Variants in MS4A15 observed in about 807,000 individuals in gnomAD.
MS4A15 encodes the protein membrane-spanning 4-domains subfamily A member 15.
In MS4A15, 22 loss-of-function variants were observed where a neutral mutation model predicts 20.6. The observed-to-expected ratio is 1.07, with a 90% CI of 0.76 to 1.52. The LOEUF (loss-of-function observed/expected upper bound fraction) is 1.52, where lower values mean the gene tolerates loss of function less well. MS4A15 is among the 40% of genes most tolerant of loss of function. MS4A15 has a pLI of 0.00. For missense variants in MS4A15, 312 were observed against 323.0 expected, an observed-to-expected ratio of 0.97 and a Z score of 0.26; for synonymous variants, 129 against 129.3, an observed-to-expected ratio of 1.00 and a Z score of 0.02.
At chr11:60,762,243 C>T (rs1853762667) in intron 1 of MS4A15, among the ~76,000 whole-genome samples, 1 of 152,234 alleles carries the variant, frequency 6.6e-6, no homozygotes, top group Non-Finnish European at 1.5e-5. Flanking sequence ...TACTCTGTCT[C>T]ACCTGGAGGC....
chr11:60,773,822 G>A lies in MS4A15; in HGVS notation c.499-15G>A, dbSNP rs530726299. 22 of 1,609,680 alleles carry A rather than the reference G, an allele frequency of 1.4e-5. No individual in the cohort carries two copies. The African/African-American group carries it at 2.7e-4, about 20-fold the overall frequency. ...AGAACTCTGGGCTCACCTTTCTGTG[G>A]GTTTTGGTCCCCAGGATGTGGACAG... On this transcript the variant is annotated splice_polypyrimidine_tract_variant and intron_variant, in intron 5 of 6. Coordinates refer to ENST00000405633, the MANE Select transcript of MS4A15 (RefSeq NM_001098835.2).
chr11:60,767,205 G>C (rs1704550750), intron 2 of MS4A15, among the ~76,000 whole-genome samples: 1 of 152,148 alleles, frequency 6.6e-6, no homozygotes, highest in Admixed American at 6.5e-5. Context: ...ATGCGGTGCA[G>C]GGAATGTTGG....
intron 4 of MS4A15, among the ~76,000 whole-genome samples, chr11:60,772,090 G>GGAC (rs1295353234): frequency 6.6e-6 from 1 of 152,160 alleles, no homozygotes; most frequent in African/African-American, 2.4e-5. Flanking sequence ...AGCTCAGCTG[G>GGAC]GACGGTCTGG....
chr11:60,775,327 A>AAG (rs778861455), intron 6 of MS4A15, among the ~76,000 whole-genome samples: 14,092 of 150,688 alleles, frequency 0.094, 721 homozygotes, highest in Admixed American at 0.11. Context: ...CAAAAAAAAA[A>AAG]AGAAAAGAAA....
chr11:60,770,373 G>A (rs1375079169), intron 3 of MS4A15, among the ~76,000 whole-genome samples: 1 of 152,178 alleles, frequency 6.6e-6, no homozygotes, highest in Admixed American at 6.5e-5. Context: ...GCCAAGTCAG[G>A]TGGATCACGA....
At chr11:60,758,577 T>C (rs1383583682) in intron 1 of MS4A15, among the ~76,000 whole-genome samples, 2 of 152,240 alleles carry the variant, frequency 1.3e-5, no homozygotes, top group Non-Finnish European at 2.9e-5. Context: ...CATATTGTAA[T>C]TGTGACCTAA....
intron 4 of MS4A15, among the ~76,000 whole-genome samples, 192 bp from the exon 5 acceptor site, chr11:60,773,200 C>T (rs976289548): frequency 2.6e-5 from 4 of 152,168 alleles, no homozygotes; most frequent in East Asian, 3.9e-4. Flanking sequence ...GACCTCCTCC[C>T]GAGGTCCCAG....
chr11:60,771,414 C>T (rs1308108739), intron 4 of MS4A15, 67 bp downstream of exon 4: 1 of 1,601,572 alleles, frequency 6.2e-7, no homozygotes, highest in East Asian at 2.2e-5. Context: ...CTACCCTGCC[C>T]CTCCCATCCA....
At chr11:60,774,059 T>G in intron 6 of MS4A15, 109 bp downstream of exon 6, 1 of 787,274 alleles carries the variant, frequency 1.3e-6, no homozygotes, top group African/African-American at 1.7e-5. Flanking sequence ...CTCTGCACTC[T>G]GGGAAGCAAT....
At chr11:60,758,349 AC>A in intron 1 of MS4A15, among the ~76,000 whole-genome samples, 1 of 152,196 alleles carries the variant, frequency 6.6e-6, no homozygotes, top group East Asian at 1.9e-4. Flanking sequence ...TTATCAACCG[AC>A]TGCAAGCTGC....
At chr11:60,760,106 G>A (rs754322363) in intron 1 of MS4A15, among the ~76,000 whole-genome samples, 30 of 152,168 alleles carry the variant, frequency 2.0e-4, no homozygotes, top group Non-Finnish European at 3.8e-4. Context: ...AGCCCCCTTC[G>A]ATCATCACCC....
chr11:60,772,727 G>A lies in MS4A15; in HGVS notation c.406-665G>A, dbSNP rs568255595. On this transcript the variant is annotated intron_variant, in intron 4 of 6. Transcript: ENST00000405633. ...GGCTCCAGCTACGGGTCACGAGACCGTCAGGTTCGGGCTGCACGGGGATGG... is the reference window on the plus strand; with the variant it reads ...GGCTCCAGCTACGGGTCACGAGACCATCAGGTTCGGGCTGCACGGGGATGG... 5.3e-4 allele frequency among the ~76,000 whole-genome samples: 80 copies of A among 152,248 alleles called. 1 individual carries two copies. Among genetic ancestry groups the A allele is most frequent in the African/African-American group, 1.8e-3 (73 of 41,538 alleles).
chr11:60,763,599 C>T lies in MS4A15; in HGVS notation c.-28-107C>T, dbSNP rs1853802037. ...CAGCTTTGATGAGAGCGTTTGGGGC[C>T]ATACTGGCAGGGCTGCAGTAAGCAA... is the stretch of plus-strand genomic sequence containing the variant. On this transcript the variant is annotated intron_variant, in intron 1 of 6. Coordinates refer to ENST00000405633, the MANE Select transcript of MS4A15 (RefSeq NM_001098835.2). 5 of 894,990 alleles carry T rather than the reference C, an allele frequency of 5.6e-6. No homozygotes were observed. In the East Asian group the frequency reaches 1.3e-4, roughly 23 times the overall value. The allele number at this position is 894,990 out of a possible 1,614,324, so 55.4% of individuals were successfully genotyped here.
chr11:60,772,018 A>C (rs1854057331), intron 4 of MS4A15, among the ~76,000 whole-genome samples: 2 of 152,230 alleles, frequency 1.3e-5, no homozygotes, highest in African/African-American at 4.8e-5. Flanking sequence ...AAACTAACAA[A>C]GATGGTTGCC....
At chr11:60,770,506 G>A (rs914802578) in intron 3 of MS4A15, among the ~76,000 whole-genome samples, 2 of 151,590 alleles carry the variant, frequency 1.3e-5, no homozygotes, top group Admixed American at 1.3e-4. Context: ...GCTGGGGCAG[G>A]AGAATCACTT....
chr11:60,773,047 GA>G (rs1156352122), intron 4 of MS4A15, among the ~76,000 whole-genome samples: 1 of 152,164 alleles, frequency 6.6e-6, no homozygotes, highest in Non-Finnish European at 1.5e-5. Flanking sequence ...CTTCTCCTGC[GA>G]GGTGCTGGGC....
chr11:60,773,616 A>G (rs1032588805), intron 5 of MS4A15, 132 bp downstream of exon 5: 3 of 822,444 alleles, frequency 3.6e-6, no homozygotes, highest in Non-Finnish European at 6.0e-6. Flanking sequence ...GACCCCATGA[A>G]TCCATGGATC....
chr11:60,761,134 G>C (rs111246836), intron 1 of MS4A15, among the ~76,000 whole-genome samples: 4 of 152,168 alleles, frequency 2.6e-5, no homozygotes, highest in African/African-American at 9.7e-5. Context: ...GTCATCTAAT[G>C]ATACTTCTTG....
rs1590980390 is a variant in MS4A15 at position 60,767,526 on chromosome 11, C to T, written c.226-7C>T. 1.3e-6 allele frequency: 2 copies of T among 1,518,200 alleles called. No individual in the cohort carries two copies. The highest frequency in any genetic ancestry group is 2.6e-5 in the East Asian group (1 of 38,616). 94.0% of individuals were successfully genotyped at this position (1,518,200 alleles called of 1,614,324 possible). Reference sequence around the variant, plus strand: ...CCCGCGGCACTGAGCCTCGGGGCTTCCCGCAGACGGTGCAGATCCTCATCG... The same window carrying T: ...CCCGCGGCACTGAGCCTCGGGGCTTTCCGCAGACGGTGCAGATCCTCATCG... On this transcript the variant is annotated splice_region_variant and splice_polypyrimidine_tract_variant and intron_variant, in intron 2 of 6. Transcript: ENST00000405633.
Sources: gnomAD v4.1 joint callset for allele counts (sites outside exome capture counted in the v4.1 genomes callset) on GRCh38, gnomAD v4.1.1 for gene constraint, MANE v1.5 for transcripts, NCBI Gene and HGNC (gene_info 2026-07-23, HGNC 2026-07-21) for gene names.